Variants in USP48 observed in about 807,000 individuals in gnomAD.
USP48 encodes the protein ubiquitin specific peptidase 48, also known as ubiquitin carboxyl-terminal hydrolase 48.
Under a neutral mutation model 150.7 loss-of-function variants are expected in USP48, and 43 were observed. That is an observed-to-expected ratio of 0.29 (90% CI 0.22 to 0.37). USP48 has a LOEUF of 0.37. Ranked by LOEUF, USP48 falls within the 10% of genes least tolerant of loss-of-function variation. USP48 has a pLI of 1.00. For missense variants in USP48, 813 were observed against 1,249.6 expected (o/e 0.65, Z 5.27); for synonymous variants, 396 against 425.9 (o/e 0.93, Z 0.86).
intron 3 of USP48, among the ~76,000 whole-genome samples, chr1:21,754,898 C>A (rs947505993): frequency 6.6e-6 from 1 of 152,144 alleles, no homozygotes; most frequent in African/African-American, 2.4e-5. Flanking sequence ...CCTTTTCAGC[C>A]ACCCAGTGCA....
rs558664341 is a variant in USP48, at chr1:21,716,151, G to A, written c.1895-694C>T. Reference sequence around the variant, plus strand: ...ATAGATCTTAGTAACCTCAGCATATGATTTTTTTTCTTTCCTTATTTAAAT... The same window carrying A: ...ATAGATCTTAGTAACCTCAGCATATAATTTTTTTTCTTTCCTTATTTAAAT... On this transcript the variant is annotated intron_variant, in intron 14 of 26. Coordinates refer to ENST00000308271, the MANE Select transcript of USP48 (RefSeq NM_032236.8). Among the ~76,000 whole-genome samples, 9 of 150,932 alleles carry A rather than the reference G, an allele frequency of 6.0e-5. No individual in the cohort carries two copies. The South Asian group carries it at 6.2e-4, about 10-fold the overall frequency.
At chr1:21,718,649 C>T (rs1252944521) in intron 14 of USP48, among the ~76,000 whole-genome samples, 2 of 151,576 alleles carry the variant, frequency 1.3e-5, no homozygotes, top group Non-Finnish European at 2.9e-5. Context: ...ACCTCCTCCT[C>T]CCGGATTCAA....
At chr1:21,730,262 G>C (rs568343310) in intron 9 of USP48, among the ~76,000 whole-genome samples, 5 of 152,090 alleles carry the variant, frequency 3.3e-5, no homozygotes, top group South Asian at 2.1e-4. Context: ...CCAAAACATG[G>C]AGAAGCCCTG....
intron 4 of USP48, among the ~76,000 whole-genome samples, 156 bp downstream of exon 4, chr1:21,752,836 A>C (rs1415352235): frequency 2.6e-5 from 4 of 152,256 alleles, no homozygotes; most frequent in African/African-American, 9.6e-5. Context: ...AATCAAGTAT[A>C]ATGTGTAAAC....
intron 1 of USP48, among the ~76,000 whole-genome samples, chr1:21,761,251 A>G (rs1413941781): frequency 1.3e-5 from 2 of 151,862 alleles, no homozygotes; most frequent in Non-Finnish European, 2.9e-5. Context: ...TTATCTCTGT[A>G]CTTGCCAGCT....
chr1:21,679,682 T>C (rs1308164659), intron 26 of USP48, among the ~76,000 whole-genome samples: 1 of 152,226 alleles, frequency 6.6e-6, no homozygotes, highest in Non-Finnish European at 1.5e-5. Flanking sequence ...CCAGATTTTA[T>C]TGATTCTTTC....
intron 3 of USP48, among the ~76,000 whole-genome samples, 180 bp from the exon 4 acceptor site, chr1:21,753,299 C>T (rs1027909732): frequency 2.0e-5 from 3 of 151,968 alleles, no homozygotes; most frequent in African/African-American, 4.8e-5. Context: ...TGCCTGTAAC[C>T]CCAGCACTTT....
chr1:21,688,774 T>G (rs1488645827), intron 24 of USP48, among the ~76,000 whole-genome samples: 1 of 131,430 alleles, frequency 7.6e-6, no homozygotes, highest in Non-Finnish European at 1.5e-5. Flanking sequence ...ATCTGGGAGG[T>G]GGAGGTTGCA....
At chr1:21,755,530 C>T (rs1188423016) in intron 3 of USP48, among the ~76,000 whole-genome samples, 1 of 151,722 alleles carries the variant, frequency 6.6e-6, no homozygotes, top group East Asian at 1.9e-4. Context: ...CCAGCCTGGG[C>T]GAAAAAGTGA....
At chr1:21,701,365 CAAAAAAAAA>C (rs35780642) in intron 22 of USP48, 124 bp downstream of exon 22, 2 of 378,184 alleles carry the variant, frequency 5.3e-6, no homozygotes, top group Non-Finnish European at 8.8e-6. Flanking sequence ...GACTCCATCT[CAAAAAAAAA>C]AAAAAAAGAA....
At chr1:21,716,027 T>C (rs1475805193) in intron 14 of USP48, among the ~76,000 whole-genome samples, 1 of 152,218 alleles carries the variant, frequency 6.6e-6, no homozygotes, top group African/African-American at 2.4e-5. Flanking sequence ...GCCTTTTCCA[T>C]CTTAACTCAC....
chr1:21,730,356 C>T (rs149643643), intron 9 of USP48, among the ~76,000 whole-genome samples: 13 of 152,088 alleles, frequency 8.5e-5, no homozygotes, highest in East Asian at 3.9e-4. Flanking sequence ...ACAAGTGAAT[C>T]GATTGAACCC....
intron 6 of USP48, among the ~76,000 whole-genome samples, chr1:21,750,955 G>C (rs909138416): frequency 1.3e-5 from 2 of 151,830 alleles, no homozygotes; most frequent in African/African-American, 4.8e-5. Context: ...AGCTGAGGAA[G>C]TAAGAAAGCA....
intron 1 of USP48, among the ~76,000 whole-genome samples, chr1:21,780,959 C>G (rs1290310507): frequency 1.3e-5 from 2 of 150,246 alleles, no homozygotes; most frequent in African/African-American, 4.9e-5. Flanking sequence ...CCAGGCTGGT[C>G]TCGAACTCCT....
chr1:21,706,944 A>C lies in USP48; in HGVS notation c.1964-76T>G, dbSNP rs572421227. On this transcript the variant is annotated intron_variant, in intron 15 of 26. Coordinates refer to ENST00000308271, the MANE Select transcript of USP48 (RefSeq NM_032236.8). ...TCATTATCTATTTCCTATTTCTTAAACTTAAGAAAAATCCACAGGTACGCT... is the reference window on the plus strand; with the variant it reads ...TCATTATCTATTTCCTATTTCTTAACCTTAAGAAAAATCCACAGGTACGCT... 2.7e-5 allele frequency: 39 copies of C among 1,468,106 alleles called. No homozygotes were observed. The Middle Eastern group carries it at 9.5e-4, about 36-fold the overall frequency. The allele number at this position is 1,468,106 out of a possible 1,614,324, so 90.9% of individuals were successfully genotyped here.
At chr1:21,720,811 A>G (rs551316291) in intron 14 of USP48, among the ~76,000 whole-genome samples, 7 of 152,170 alleles carry the variant, frequency 4.6e-5, no homozygotes, top group Admixed American at 3.9e-4. Flanking sequence ...GATTATAGGC[A>G]TGAACCACCG....
intron 1 of USP48, among the ~76,000 whole-genome samples, chr1:21,774,504 C>A (rs1439277054): frequency 6.6e-6 from 1 of 151,846 alleles, no homozygotes; most frequent in East Asian, 1.9e-4. Context: ...CTAGCCAACA[C>A]AGTGAAACCA....
At chr1:21,752,016 CAAAAAAAAAAAAAAAAAGAAA>C (rs1159625286) in intron 5 of USP48, among the ~76,000 whole-genome samples, 2 of 63,494 alleles carry the variant, frequency 3.1e-5, no homozygotes, top group Non-Finnish European at 6.3e-5. Flanking sequence ...GAGTCCATCT[CAAAAAAAAAAAAAAAAAGAAA>C]AGAAATAAAA....
At chr1:21,754,177 G>T (rs1254234840) in intron 3 of USP48, among the ~76,000 whole-genome samples, 2 of 151,676 alleles carry the variant, frequency 1.3e-5, no homozygotes, top group African/African-American at 4.8e-5. Flanking sequence ...AAAAAAAAAA[G>T]AAATAGAATT....
Sources: gnomAD v4.1 joint callset for allele counts (sites outside exome capture counted in the v4.1 genomes callset) on GRCh38, gnomAD v4.1.1 for gene constraint, MANE v1.5 for transcripts, NCBI Gene and HGNC (gene_info 2026-07-23, HGNC 2026-07-21) for gene names.